The following SLC1A1 variants were observed in gnomAD, a reference collection of about 807,000 sequenced individuals.
The protein encoded by SLC1A1 is solute carrier family 1 member 1.
A neutral mutation model predicts 53.3 loss-of-function variants in SLC1A1; 43 were observed. The ratio of observed to expected loss-of-function variants is 0.81; its 90% CI spans 0.63 to 1.04. SLC1A1 has a LOEUF of 1.04. Ranked by LOEUF, SLC1A1 falls within the 50% of genes least tolerant of loss-of-function variation. The pLI is 0.00. For missense variants in SLC1A1, 748 were observed against 664.9 expected, an observed-to-expected ratio of 1.12 and a Z score of -1.37; for synonymous variants, 307 against 243.2, an observed-to-expected ratio of 1.26 and a Z score of -2.44.
At chr9:4,530,086 T>G (rs1816410025) in intron 1 of SLC1A1, among the ~76,000 whole-genome samples, 1 of 152,190 alleles carries the variant, frequency 6.6e-6, no homozygotes, top group Non-Finnish European at 1.5e-5. Flanking sequence ...GTGAATGACT[T>G]GATTACTTCC....
At chr9:4,523,414 T>C (rs1816154325) in intron 1 of SLC1A1, among the ~76,000 whole-genome samples, 1 of 152,204 alleles carries the variant, frequency 6.6e-6, no homozygotes, top group Admixed American at 6.5e-5. Flanking sequence ...TTTTATTTTG[T>C]TGATATCAAG....
chr9:4,577,291 T>C (rs1820643389), intron 10 of SLC1A1, among the ~76,000 whole-genome samples: 1 of 152,170 alleles, frequency 6.6e-6, no homozygotes, highest in Non-Finnish European at 1.5e-5. Context: ...AAATAGCTTG[T>C]GATGCAGCCA....
rs1034460385 is a variant in SLC1A1, at chr9:4,586,618, C to A, written c.*1060C>A. The A allele has an allele frequency of 1.3e-5, 2 of 152,192 alleles. No homozygotes were observed. The highest frequency in any genetic ancestry group is 4.8e-5 in the African/African-American group (2 of 41,434). The allele number at this position is 152,192 out of a possible 1,614,324, so 9.4% of individuals were successfully genotyped here. ...AAGGCTTTATTCTTCCAAGTTCATT[C>A]ATACTCAAAGAGGCCAGTACTTTGC... On this transcript the variant is annotated 3_prime_UTR_variant, in exon 12 of 12. Coordinates refer to ENST00000262352, the MANE Select transcript of SLC1A1 (RefSeq NM_004170.6).
chr9:4,561,107 T>C (rs1390006993), intron 2 of SLC1A1, among the ~76,000 whole-genome samples: 1 of 152,222 alleles, frequency 6.6e-6, no homozygotes, highest in Non-Finnish European at 1.5e-5. Context: ...GGATGTTGAA[T>C]GATATAATAC....
At chr9:4,533,574 G>C (rs1209161890) in intron 1 of SLC1A1, among the ~76,000 whole-genome samples, 3 of 137,770 alleles carry the variant, frequency 2.2e-5, no homozygotes, top group Admixed American at 7.4e-5. Context: ...CAAATCCTTA[G>C]AGACCTAGAA....
chr9:4,545,187 A>ATCTCTCTCTCTCTCTCTCTCTCTCTCTC (rs1817369905), intron 2 of SLC1A1, among the ~76,000 whole-genome samples: 1 of 48,996 alleles, frequency 2.0e-5, no homozygotes, highest in Non-Finnish European at 5.1e-5. Flanking sequence ...AATACATTAG[A>ATCTCTCTCTCTCTCTCTCTCTCTCTCTC]TGTCTCTCTC....
intron 1 of SLC1A1, among the ~76,000 whole-genome samples, chr9:4,491,318 C>T (rs1209669937): frequency 1.1e-4 from 16 of 152,174 alleles, no homozygotes; most frequent in Admixed American, 1.0e-3. Flanking sequence ...AGGTGCCTTC[C>T]CACGCGGCGA....
chr9:4,572,471 G>C, intron 7 of SLC1A1, 83 bp downstream of exon 7: 2 of 1,230,160 alleles, frequency 1.6e-6, no homozygotes, highest in Admixed American at 1.7e-5. Context: ...TTTTATGTTT[G>C]TCAACTGATG....
chr9:4,564,849 A>G (rs1423138654), intron 4 of SLC1A1, among the ~76,000 whole-genome samples: 1 of 152,226 alleles, frequency 6.6e-6, no homozygotes, highest in African/African-American at 2.4e-5. Context: ...AATACCAGTT[A>G]AAGCAGAGAC....
chr9:4,550,204 GTTGGGTGACTGGA>G (rs1817812671), intron 2 of SLC1A1, among the ~76,000 whole-genome samples: 1 of 152,184 alleles, frequency 6.6e-6, no homozygotes, highest in South Asian at 2.1e-4. Context: ...CCAGACACTG[GTTGGGTGACTGGA>G]TTTACAATTG....
In SLC1A1 at chr9:4,538,236, G is replaced by T. The variant is rs1005686144; in HGVS notation, c.92-6331G>T. On this transcript the variant is annotated intron_variant, in intron 1 of 11. Coordinates refer to ENST00000262352, the MANE Select transcript of SLC1A1 (RefSeq NM_004170.6). Reference sequence around the variant, plus strand: ...GGTTTTGTACATTTTAGGGAGATATGAGATATCAATCAGTACATGTAAGAT... The same window carrying T: ...GGTTTTGTACATTTTAGGGAGATATTAGATATCAATCAGTACATGTAAGAT... Among the ~76,000 whole-genome samples, 41 of 152,288 alleles carry T rather than the reference G, an allele frequency of 2.7e-4. 1 individual carries two copies. The highest frequency in any genetic ancestry group is 9.6e-4 in the African/African-American group (40 of 41,570).
chr9:4,539,739 T>C (rs1468862089), intron 1 of SLC1A1, among the ~76,000 whole-genome samples: 3 of 152,036 alleles, frequency 2.0e-5, no homozygotes, highest in African/African-American at 7.3e-5. Flanking sequence ...GCCTGGCTAA[T>C]TTTTGTATTT....
In SLC1A1 at chr9:4,585,395, A is replaced by C. The variant is rs1821499610; in HGVS notation, c.1412A>C (p.Glu471Ala). 1 of 1,614,198 alleles carries C rather than the reference A, an allele frequency of 6.2e-7. No homozygotes were observed. Among genetic ancestry groups the C allele is most frequent in the Non-Finnish European group, 8.5e-7 (1 of 1,180,024 alleles). The change falls in exon 12 of 12, where the codon GAG becomes GCG. Residue 471 changes from glutamate to alanine, a missense_variant. Physicochemically the swap from Glu to Ala is moderately radical, Grantham distance 107 (BLOSUM62 -1). Coordinates refer to ENST00000262352, the MANE Select transcript of SLC1A1 (RefSeq NM_004170.6). ...GAAAAGCTCTCCAAGAAGGAGCTGG[A>C]GCAGATGGATGTTTCATCTGAAGTC... ...IVEKLSKKEL[E>A]QMDVSSEVNI...
intron 2 of SLC1A1, among the ~76,000 whole-genome samples, chr9:4,545,254 C>T (rs1261309341): frequency 7.0e-6 from 1 of 142,864 alleles, no homozygotes; most frequent in Non-Finnish European, 1.5e-5. Context: ...ATATTTGCTT[C>T]TGTGGAAACA....
intron 4 of SLC1A1, among the ~76,000 whole-genome samples, chr9:4,565,480 G>A (rs988356340): frequency 6.6e-6 from 1 of 152,162 alleles, no homozygotes; most frequent in African/African-American, 2.4e-5. Context: ...AAGGCAAAGG[G>A]GAAGCAAGGC....
Position 4,549,618 on chromosome 9 carries a change from A to C in SLC1A1, c.232+4911A>C, listed in dbSNP as rs2130887723. On this transcript the variant is annotated intron_variant, in intron 2 of 11. Coordinates refer to ENST00000262352, the MANE Select transcript of SLC1A1 (RefSeq NM_004170.6). This position sits in a 1 kb window ranked among gnomAD's most constrained non-coding sequence, Gnocchi z 4.1. ...AACCTGACACCAAGTTCTAAGAAGG[A>C]AAAATTCCGCTATCACACAGGCCAT... 6.6e-6 allele frequency among the ~76,000 whole-genome samples: 1 copy of C among 152,304 alleles called. No individual in the cohort carries two copies. The highest frequency in any genetic ancestry group is 3.4e-3 in the Middle Eastern group (1 of 294).
intron 10 of SLC1A1, among the ~76,000 whole-genome samples, chr9:4,579,006 C>G (rs529193821): frequency 6.6e-6 from 1 of 152,328 alleles, no homozygotes; most frequent in African/African-American, 2.4e-5. Context: ...GGGATAAAAT[C>G]AGAGTTTGTT....
At chr9:4,546,564 T>A (rs796171421) in intron 2 of SLC1A1, among the ~76,000 whole-genome samples, 17 of 152,308 alleles carry the variant, frequency 1.1e-4, no homozygotes, top group African/African-American at 4.1e-4. Context: ...CTACTCCCGA[T>A]TGCCCAGTAC....
chr9:4,544,835 G>A (rs1227270348), intron 2 of SLC1A1, 128 bp downstream of exon 2: 8 of 821,304 alleles, frequency 9.7e-6, no homozygotes, highest in Non-Finnish European at 1.6e-5. Context: ...GGCTCAGAAG[G>A]TCTCAGGAAA....
Sources: gnomAD v4.1 joint callset for allele counts (sites outside exome capture counted in the v4.1 genomes callset) on GRCh38, gnomAD v4.1.1 for gene constraint, Gnocchi (gnomAD v3.1) non-coding constraint, MANE v1.5 for transcripts, NCBI Gene and HGNC (gene_info 2026-07-23, HGNC 2026-07-21) for gene names.